Variants in CPQ observed in about 807,000 individuals in gnomAD.
CPQ encodes the protein carboxypeptidase Q, also known as Ser-Met dipeptidase.
Under a neutral mutation model 45.7 loss-of-function variants are expected in CPQ, and 37 were observed. The observed-to-expected ratio is 0.81, with a 90% confidence interval of 0.62 to 1.07. The LOEUF is 1.07. Ranked by LOEUF, CPQ falls within the 50% of genes least tolerant of loss-of-function variation. CPQ has a pLI of 0.00. For missense variants in CPQ, 537 were observed against 572.9 expected (o/e 0.94, Z 0.64); for synonymous variants, 186 against 205.8 (o/e 0.90, Z 0.82).
intron 4 of CPQ, among the ~76,000 whole-genome samples, chr8:96,938,135 A>T (rs1813078277): frequency 6.6e-6 from 1 of 152,228 alleles, no homozygotes; most frequent in Non-Finnish European, 1.5e-5. Context: ...AACAACTGAT[A>T]ACCTTCTCTT....
chr8:96,812,112 C>A (rs1811167558), intron 2 of CPQ, among the ~76,000 whole-genome samples: 1 of 152,078 alleles, frequency 6.6e-6, no homozygotes, highest in Non-Finnish European at 1.5e-5. Flanking sequence ...CAGATAGGTT[C>A]TTTTTAATAT....
At chr8:96,825,214 G>A (rs1811363880) in intron 2 of CPQ, among the ~76,000 whole-genome samples, 1 of 151,974 alleles carries the variant, frequency 6.6e-6, no homozygotes. Flanking sequence ...ACTTGTGCCT[G>A]GGGCTTCTGA....
chr8:97,115,419 G>T (rs544762553), intron 7 of CPQ, among the ~76,000 whole-genome samples: 1 of 152,308 alleles, frequency 6.6e-6, no homozygotes, highest in Admixed American at 6.5e-5. Flanking sequence ...TGCTCAGTTA[G>T]CAGAATGTTT....
intron 4 of CPQ, among the ~76,000 whole-genome samples, chr8:96,936,832 C>T (rs1214995658): frequency 8.5e-5 from 13 of 152,210 alleles, no homozygotes; most frequent in South Asian, 4.1e-4. Flanking sequence ...AAGCATATGA[C>T]GTATCTATTA....
At chr8:97,141,514 A>C (rs919166413) in intron 7 of CPQ, among the ~76,000 whole-genome samples, 8 of 152,206 alleles carry the variant, frequency 5.3e-5, no homozygotes, top group Non-Finnish European at 1.2e-4. Flanking sequence ...TACAAAAATT[A>C]GTTTGACAAT....
intron 4 of CPQ, among the ~76,000 whole-genome samples, chr8:96,947,945 C>T (rs1475230203): frequency 6.6e-6 from 1 of 152,054 alleles, no homozygotes; most frequent in African/African-American, 2.4e-5. Context: ...ACAACTTGGC[C>T]ATTGTTGAGA....
chr8:97,129,792 T>G (rs1048080979), intron 7 of CPQ, among the ~76,000 whole-genome samples: 8 of 152,204 alleles, frequency 5.3e-5, no homozygotes, highest in South Asian at 2.1e-4. Context: ...TTTCCACAGA[T>G]GTACTCCCCT....
At chr8:97,117,912 G>T (rs917648411) in intron 7 of CPQ, among the ~76,000 whole-genome samples, 2 of 152,106 alleles carry the variant, frequency 1.3e-5, no homozygotes, top group African/African-American at 4.8e-5. Context: ...AAGCCAAGGA[G>T]ACCTCTTTAT....
chr8:96,672,291 C>T (rs1809014551), intron 1 of CPQ, among the ~76,000 whole-genome samples: 1 of 152,126 alleles, frequency 6.6e-6, no homozygotes, highest in South Asian at 2.1e-4. Context: ...CAGCCTTGTT[C>T]TGTGCAGCAT....
At position 96,799,005 on chromosome 8, in the gene CPQ, T is replaced by G. The variant is rs180881380; in HGVS notation, c.433+13675T>G. 4.7e-4 allele frequency among the ~76,000 whole-genome samples: 72 copies of G among 152,334 alleles called. 1 individual carries two copies. The highest frequency in any genetic ancestry group is 1.7e-3 in the African/African-American group (72 of 41,584). ...AGGTCACAAATTTAAAAAGGATATTTGAAAACTCATTCATACTAAAACAAG... is the reference window on the plus strand; with the variant it reads ...AGGTCACAAATTTAAAAAGGATATTGGAAAACTCATTCATACTAAAACAAG... On this transcript the variant is annotated intron_variant, in intron 2 of 7. Transcript: ENST00000220763.
At chr8:96,676,118 C>A (rs777548401) in intron 1 of CPQ, among the ~76,000 whole-genome samples, 23 of 151,918 alleles carry the variant, frequency 1.5e-4, no homozygotes, top group Non-Finnish European at 2.9e-4. Context: ...TTTATCATTT[C>A]TTTGCTTTGG....
At chr8:97,026,907 T>C (rs1021811736) in intron 5 of CPQ, among the ~76,000 whole-genome samples, 2 of 152,252 alleles carry the variant, frequency 1.3e-5, no homozygotes, top group African/African-American at 4.8e-5. Context: ...CATTTGCTTT[T>C]AAAAAATGAA....
intron 7 of CPQ, among the ~76,000 whole-genome samples, chr8:97,109,907 G>A (rs1175283677): frequency 6.6e-6 from 1 of 151,944 alleles, no homozygotes; most frequent in Non-Finnish European, 1.5e-5. Flanking sequence ...AATTCTTTAA[G>A]GGTTATTCTC....
At chr8:96,939,708 A>G (rs534320674) in intron 4 of CPQ, among the ~76,000 whole-genome samples, 2 of 152,154 alleles carry the variant, frequency 1.3e-5, no homozygotes, top group African/African-American at 2.4e-5. Flanking sequence ...TCACCTCTCC[A>G]TTCTACTGTT....
intron 7 of CPQ, among the ~76,000 whole-genome samples, chr8:97,140,442 A>G (rs774054269): frequency 6.6e-6 from 1 of 152,044 alleles, no homozygotes; most frequent in Non-Finnish European, 1.5e-5. Context: ...CAAACAGAAA[A>G]TGTAGGTTTT....
intron 4 of CPQ, among the ~76,000 whole-genome samples, chr8:96,887,300 A>G (rs1251606602): frequency 2.0e-5 from 3 of 152,238 alleles, no homozygotes; most frequent in Non-Finnish European, 1.5e-5. Flanking sequence ...CCAGGCTAAC[A>G]TGATCAGTGA....
chr8:97,074,993 G>T (rs192543692), intron 7 of CPQ, among the ~76,000 whole-genome samples: 2 of 151,918 alleles, frequency 1.3e-5, no homozygotes, highest in East Asian at 1.9e-4. Context: ...CGAAGATACC[G>T]GAACGCTTTA....
chr8:96,747,478 A>G (rs1411568731), intron 1 of CPQ, among the ~76,000 whole-genome samples: 1 of 151,952 alleles, frequency 6.6e-6, no homozygotes, highest in Admixed American at 6.6e-5. Context: ...ACCTGAGAAA[A>G]ATTTTTGCTT....
chr8:96,955,374 C>A (rs1345062272), intron 4 of CPQ, among the ~76,000 whole-genome samples: 1 of 152,084 alleles, frequency 6.6e-6, no homozygotes, highest in Non-Finnish European at 1.5e-5. Flanking sequence ...TTTCATCTGT[C>A]TTTTGGCTGC....
Sources: gnomAD v4.1 joint callset for allele counts (sites outside exome capture counted in the v4.1 genomes callset) on GRCh38, gnomAD v4.1.1 for gene constraint, MANE v1.5 for transcripts, NCBI Gene and HGNC (gene_info 2026-07-23, HGNC 2026-07-21) for gene names.